Variants in DYNLT2B observed in about 807,000 individuals in gnomAD.
The protein encoded by DYNLT2B is dynein light chain Tctex-type 2B.
In DYNLT2B, 14 loss-of-function variants were observed where a neutral mutation model predicts 19.5. The observed-to-expected ratio is 0.72, with a 90% confidence interval of 0.47 to 1.12. DYNLT2B has a LOEUF of 1.12. DYNLT2B is among the 50% of genes most tolerant of loss of function. The probability of loss-of-function intolerance (pLI) is 0.00; values close to 1 mark genes in which losing one functional copy is unlikely to be tolerated. For synonymous variants in DYNLT2B, 70 were observed against 59.7 expected (o/e 1.17, Z -0.79); for missense variants, 133 against 174.7 (o/e 0.76, Z 1.35).
intron 2 of DYNLT2B, among the ~76,000 whole-genome samples, chr3:196,312,771 T>C (rs1726676752): frequency 1.3e-5 from 2 of 152,210 alleles, no homozygotes; most frequent in South Asian, 4.1e-4. Flanking sequence ...TAGTATATTC[T>C]ACTTTAAAGG....
intron 2 of DYNLT2B, among the ~76,000 whole-genome samples, chr3:196,312,085 G>A (rs934906979): frequency 2.6e-5 from 4 of 152,120 alleles, no homozygotes; most frequent in Admixed American, 6.6e-5. Context: ...TCTCCATGTT[G>A]GTCAGCCTGG....
intron 2 of DYNLT2B, among the ~76,000 whole-genome samples, chr3:196,307,924 T>C (rs1726535974): frequency 6.6e-6 from 1 of 150,946 alleles, no homozygotes. Flanking sequence ...TACTAAAAAA[T>C]ATAAAAATTA....
In DYNLT2B at chr3:196,298,449, G is replaced by A. The variant is rs1726274018; in HGVS notation, c.318-2380C>T. Among the ~76,000 whole-genome samples the A allele has an allele frequency of 2.0e-5, 3 of 151,952 alleles. No individual in the cohort carries two copies. In the South Asian group the frequency reaches 6.2e-4, roughly 32 times the overall value. ...CTGCCTCAGCCTTCCGAGTAGCTGGGACTACACACGTGCATTACCACGCCT... is the reference window on the plus strand; with the variant it reads ...CTGCCTCAGCCTTCCGAGTAGCTGGAACTACACACGTGCATTACCACGCCT... On this transcript the variant is annotated intron_variant, in intron 3 of 4. Coordinates refer to ENST00000325318, the MANE Select transcript of DYNLT2B (RefSeq NM_152773.5).
intron 3 of DYNLT2B, chr3:196,298,073 C>T (rs1726266039): frequency 3.9e-6 from 1 of 257,722 alleles, no homozygotes; most frequent in Non-Finnish European, 7.7e-6. Flanking sequence ...ATAGACCCAG[C>T]TTGGCTGTTC....
At chr3:196,308,813 T>C (rs562077318) in intron 2 of DYNLT2B, among the ~76,000 whole-genome samples, 1 of 152,040 alleles carries the variant, frequency 6.6e-6, no homozygotes, top group Admixed American at 6.5e-5. Context: ...CTCTAACCAA[T>C]CCCAAATTAT....
At chr3:196,317,470 AGTGTGTGTGTGT>A (rs758076354) in intron 1 of DYNLT2B, among the ~76,000 whole-genome samples, 1 of 11,884 alleles carries the variant, frequency 8.4e-5, no homozygotes, top group African/African-American at 3.0e-4. Context: ...TATTTTTTTC[AGTGTGTGTGTGT>A]GTGTGTGTGT....
At chr3:196,317,955 C>T (rs1238227979) in intron 1 of DYNLT2B, 85 bp downstream of exon 1, 3 of 769,994 alleles carry the variant, frequency 3.9e-6, no homozygotes, top group African/African-American at 3.7e-5. Flanking sequence ...CCCCGCGCTC[C>T]TTCCGTGGCC....
At chr3:196,296,758 G>T (rs1726233149) in intron 3 of DYNLT2B, among the ~76,000 whole-genome samples, 1 of 152,128 alleles carries the variant, frequency 6.6e-6, no homozygotes, top group Admixed American at 6.6e-5. Flanking sequence ...AGACCTTAAA[G>T]AAAAGTTTTG....
chr3:196,308,775 C>T (rs1187068439), intron 2 of DYNLT2B, among the ~76,000 whole-genome samples: 1 of 152,190 alleles, frequency 6.6e-6, no homozygotes, highest in Non-Finnish European at 1.5e-5. Context: ...AAAAACACTG[C>T]ACACAACTCA....
chr3:196,304,691 CA>C (rs1304729195), intron 3 of DYNLT2B, among the ~76,000 whole-genome samples: 2 of 132,760 alleles, frequency 1.5e-5, no homozygotes. Context: ...AACTCCATCT[CA>C]AAAAAAAAAC....
chr3:196,300,090 G>A (rs961611148), intron 3 of DYNLT2B, among the ~76,000 whole-genome samples: 6 of 152,136 alleles, frequency 3.9e-5, no homozygotes, highest in South Asian at 2.1e-4. Context: ...GGAGTTCAGG[G>A]GCCTCTAACT....
At chr3:196,293,034 A>G (rs973000270) in intron 4 of DYNLT2B, among the ~76,000 whole-genome samples, 4 of 152,096 alleles carry the variant, frequency 2.6e-5, no homozygotes, top group Non-Finnish European at 1.5e-5. Context: ...TTGTATTTTT[A>G]GTAGAGATGG....
chr3:196,299,320 A>G (rs62409171), intron 3 of DYNLT2B, among the ~76,000 whole-genome samples: 2 of 151,666 alleles, frequency 1.3e-5, no homozygotes, highest in Admixed American at 1.3e-4. Context: ...CTTGACCTCA[A>G]GTGATCCACC....
At chr3:196,308,076 C>T (rs1456485431) in intron 2 of DYNLT2B, among the ~76,000 whole-genome samples, 2 of 111,224 alleles carry the variant, frequency 1.8e-5, no homozygotes, top group Admixed American at 1.0e-4. Context: ...AGCAAAACTC[C>T]ATCTCGAAAA....
At chr3:196,294,164 C>T (rs545816438) in intron 4 of DYNLT2B, among the ~76,000 whole-genome samples, 22 of 151,954 alleles carry the variant, frequency 1.4e-4, no homozygotes, top group Admixed American at 1.1e-3. Context: ...CCAACCTAAC[C>T]GACATGGAGA....
At position 196,310,987 on chromosome 3, in the gene DYNLT2B, C is replaced by T. The variant is rs1726625189; in HGVS notation, c.248-3975G>A. On this transcript the variant is annotated intron_variant, in intron 2 of 4. Transcript: ENST00000325318. ...CTGAGCTCAGGCAATCCACCCGCCT[C>T]GGCCTCCCAAAGTGCTGGGATTACA... Among the ~76,000 whole-genome samples, 4 of 152,046 alleles carry T rather than the reference C, an allele frequency of 2.6e-5. No individual in the cohort carries two copies. In the South Asian group the frequency reaches 6.2e-4, roughly 24 times the overall value.
intron 2 of DYNLT2B, among the ~76,000 whole-genome samples, chr3:196,307,481 T>G (rs1726518899): frequency 6.6e-6 from 1 of 151,970 alleles, no homozygotes; most frequent in Admixed American, 6.6e-5. Context: ...TTTTGTATTT[T>G]TAGTAGAAAA....
At chr3:196,306,023 C>T (rs564862938) in intron 3 of DYNLT2B, among the ~76,000 whole-genome samples, 124 of 151,918 alleles carry the variant, frequency 8.2e-4, no homozygotes, top group African/African-American at 2.8e-3. Context: ...GGCAAGATAG[C>T]AAGATCTTAC....
chr3:196,304,600 A>G (rs1726440442), intron 3 of DYNLT2B, among the ~76,000 whole-genome samples: 1 of 151,888 alleles, frequency 6.6e-6, no homozygotes, highest in Non-Finnish European at 1.5e-5. Context: ...CTGAGGCAGG[A>G]GAATCTCTTG....
Sources: gnomAD v4.1 joint callset for allele counts (sites outside exome capture counted in the v4.1 genomes callset) on GRCh38, gnomAD v4.1.1 for gene constraint, MANE v1.5 for transcripts, NCBI Gene and HGNC (gene_info 2026-07-23, HGNC 2026-07-21) for gene names.